MED13L: variants seen among roughly 807,000 people sequenced by gnomAD.
MED13L encodes mediator complex subunit 13L, also known as mediator of RNA polymerase II transcription subunit 13-like.
MED13L carries 7 observed loss-of-function variants against 220.9 expected under a neutral mutation model. The observed-to-expected ratio is 0.03, with a 90% confidence interval of 0.02 to 0.06. The LOEUF (loss-of-function observed/expected upper bound fraction) is 0.06. MED13L is among the 10% of genes least tolerant of loss of function. The probability of loss-of-function intolerance (pLI) is 1.00; values close to 1 mark genes in which losing one functional copy is unlikely to be tolerated. For missense variants in MED13L, 1,965 were observed against 2,760.5 expected, an observed-to-expected ratio of 0.71 and a Z score of 6.46; for synonymous variants, 1,011 against 1,015.2, an observed-to-expected ratio of 1.00 and a Z score of 0.08.
intron 4 of MED13L, among the ~76,000 whole-genome samples, chr12:116,081,749 C>G (rs1209619350): frequency 2.0e-5 from 3 of 152,152 alleles, no homozygotes; most frequent in African/African-American, 7.2e-5. Context: ...TGCCTATAGT[C>G]CCAGCTACTA....
intron 2 of MED13L, among the ~76,000 whole-genome samples, chr12:116,204,381 A>G (rs1882188560): frequency 6.6e-6 from 1 of 152,238 alleles, no homozygotes; most frequent in Non-Finnish European, 1.5e-5. Flanking sequence ...AGGAGTAGCT[A>G]CTACGCAGGA....
intron 2 of MED13L, among the ~76,000 whole-genome samples, chr12:116,141,628 G>A (rs1877084387): frequency 6.6e-6 from 1 of 151,994 alleles, no homozygotes; most frequent in Non-Finnish European, 1.5e-5. Flanking sequence ...TATCTAGAAC[G>A]TGAGCACTTC....
intron 2 of MED13L, among the ~76,000 whole-genome samples, chr12:116,162,343 T>G (rs555180359): frequency 1.3e-5 from 2 of 152,354 alleles, no homozygotes; most frequent in Admixed American, 6.5e-5. Context: ...GAATGGAGGC[T>G]GCACCGATTC....
At chr12:116,130,902 TAAAC>T (rs1323092660) in intron 2 of MED13L, among the ~76,000 whole-genome samples, 10 of 151,296 alleles carry the variant, frequency 6.6e-5, no homozygotes, top group Admixed American at 5.9e-4. Context: ...ACTAGAAAAA[TAAAC>T]AGGAAGGAAC....
At chr12:116,030,667 G>A (rs777887688) in intron 4 of MED13L, among the ~76,000 whole-genome samples, 1 of 152,168 alleles carries the variant, frequency 6.6e-6, no homozygotes, top group Non-Finnish European at 1.5e-5. Context: ...GATGAAAGAT[G>A]TATGTGCAGG....
chr12:116,013,805 T>C (rs1879562930), intron 8 of MED13L, among the ~76,000 whole-genome samples: 1 of 152,248 alleles, frequency 6.6e-6, no homozygotes, highest in Non-Finnish European at 1.5e-5. Context: ...ACAGTGGCTC[T>C]ACAGGGAGTT....
intron 4 of MED13L, among the ~76,000 whole-genome samples, chr12:116,069,539 T>G (rs149903748): frequency 3.3e-4 from 50 of 152,364 alleles, no homozygotes; most frequent in African/African-American, 1.2e-3. Flanking sequence ...TGGTACTGAC[T>G]TTTTAGCTAT....
chr12:116,121,925 C>T (rs1565887750), intron 2 of MED13L, among the ~76,000 whole-genome samples: 1 of 152,036 alleles, frequency 6.6e-6, no homozygotes, highest in Non-Finnish European at 1.5e-5. Context: ...AAATTTCACT[C>T]GAAACTCCAG....
At chr12:115,968,912 T>TA (rs1165960682) in intron 28 of MED13L, 28 bp downstream of exon 28, 1 of 1,613,190 alleles carries the variant, frequency 6.2e-7, no homozygotes, top group African/African-American at 1.3e-5. Flanking sequence ...ATGGTTGTCT[T>TA]AAACAACGTA....
At chr12:116,141,772 A>G (rs2138050855) in intron 2 of MED13L, among the ~76,000 whole-genome samples, 1 of 152,182 alleles carries the variant, frequency 6.6e-6, no homozygotes, top group African/African-American at 2.4e-5. Context: ...TGTGGTAGCT[A>G]GAGGAATCCC....
intron 26 of MED13L, among the ~76,000 whole-genome samples, 172 bp from the exon 27 acceptor site, chr12:115,970,942 A>C (rs1876539602): frequency 6.6e-6 from 1 of 152,226 alleles, no homozygotes; most frequent in African/African-American, 2.4e-5. Flanking sequence ...CAGAGCACAT[A>C]GCTGTCTATA....
At chr12:116,108,280 G>GGTT (rs1281711068) in intron 3 of MED13L, among the ~76,000 whole-genome samples, 1 of 151,556 alleles carries the variant, frequency 6.6e-6, no homozygotes, top group African/African-American at 2.4e-5. Flanking sequence ...TACAACAAAT[G>GGTT]GTTGTACAGG....
rs146108609 is a variant in MED13L at position 116,224,548 on chromosome 12, A to C, written c.310+12920T>G. Among the ~76,000 whole-genome samples the C allele has an allele frequency of 1.9e-3, 285 of 152,298 alleles. 2 individuals are homozygous for C. The highest frequency in any genetic ancestry group is 6.2e-3 in the African/African-American group (259 of 41,552). ...CTCCTGAAATGCAAAAATGTTTCCA[A>C]TTCATTTCTGTATTCTACATAGCAC... On this transcript the variant is annotated intron_variant, in intron 2 of 30. Coordinates refer to ENST00000281928, the MANE Select transcript of MED13L (RefSeq NM_015335.5).
chr12:116,270,778 C>T (rs1873235916), intron 1 of MED13L, among the ~76,000 whole-genome samples: 2 of 151,836 alleles, frequency 1.3e-5, no homozygotes, highest in Admixed American at 6.6e-5. Flanking sequence ...CGCGGTGGCT[C>T]GAGCCTGTAA....
chr12:116,008,191 G>C (rs1879170672), intron 10 of MED13L: 1 of 624,510 alleles, frequency 1.6e-6, no homozygotes, highest in South Asian at 2.9e-5. Flanking sequence ...GGCATAAAGA[G>C]TTCTTTATAT....
At chr12:116,074,212 T>A (rs1008455157) in intron 4 of MED13L, among the ~76,000 whole-genome samples, 1 of 152,140 alleles carries the variant, frequency 6.6e-6, no homozygotes, top group African/African-American at 2.4e-5. Flanking sequence ...CTGGCCAGCA[T>A]GGCAAAACCC....
intron 2 of MED13L, among the ~76,000 whole-genome samples, chr12:116,149,822 T>C (rs1478912288): frequency 6.6e-6 from 1 of 152,226 alleles, no homozygotes; most frequent in Non-Finnish European, 1.5e-5. Context: ...TCCTTTCATA[T>C]GCCCCTATAG....
intron 28 of MED13L, among the ~76,000 whole-genome samples, chr12:115,967,194 A>C (rs958471920): frequency 1.3e-5 from 2 of 151,470 alleles, no homozygotes; most frequent in Non-Finnish European, 2.9e-5. Context: ...AAAAAAAAAA[A>C]AACCTTCTGT....
chr12:116,096,798 A>T (rs1872672064), intron 3 of MED13L, 46 bp from the exon 4 acceptor site: 1 of 1,435,304 alleles, frequency 7.0e-7, no homozygotes, highest in African/African-American at 1.4e-5. Flanking sequence ...TCAGTAACAA[A>T]TTAGTAAGTC....
Sources: gnomAD v4.1 joint callset for allele counts (sites outside exome capture counted in the v4.1 genomes callset) on GRCh38, gnomAD v4.1.1 for gene constraint, MANE v1.5 for transcripts, NCBI Gene and HGNC (gene_info 2026-07-23, HGNC 2026-07-21) for gene names.